Variants in THSD8 observed in about 807,000 individuals in gnomAD.
THSD8 encodes the protein thrombospondin type 1 domain containing 8, also known as thrombospondin type-1 domain-containing protein 8.
At chr19:12,802,773 A>G (rs1968925207) in intron 1 of THSD8, among the ~76,000 whole-genome samples, 1 of 152,000 alleles carries the variant, frequency 6.6e-6, no homozygotes, top group South Asian at 2.1e-4. Context: ...TTGGGATAAG[A>G]TCTGTCTCAT....
intron 1 of THSD8, among the ~76,000 whole-genome samples, chr19:12,802,823 G>C (rs370697084): frequency 2.0e-5 from 3 of 152,074 alleles, no homozygotes; most frequent in African/African-American, 7.2e-5. Context: ...CCTTTAAAGT[G>C]ATCACAGTGG....
chr19:12,804,121 C>G lies in THSD8; in HGVS notation c.166C>G (p.Leu56Val), dbSNP rs1968945518. Residue 56 changes from leucine (L) to valine (V), a missense_variant, in exon 2 of 2, where the codon CTT becomes GTT. Physicochemically the swap from Leu to Val is conservative, Grantham distance 32. Transcript: ENST00000639810. Reference sequence around the variant, plus strand: ...TTCTCTAGAAGTCGAGGACTCAATCCTTGGCCCGTGGGGAAAGTGGCGGTG... The same window carrying G: ...TTCTCTAGAAGTCGAGGACTCAATCGTTGGCCCGTGGGGAAAGTGGCGGTG... ...QHLKEVEDSI[L>V]GPWGKWRCLC... 1 of 398,392 alleles carries G rather than the reference C, an allele frequency of 2.5e-6. No individual in the cohort carries two copies. The highest frequency in any genetic ancestry group is 4.4e-6 in the Non-Finnish European group (1 of 226,096). 24.7% of individuals were successfully genotyped at this position (398,392 alleles called of 1,614,324 possible). A position where few individuals can be genotyped will look rare whatever the true frequency, so the allele number is the denominator to read the frequency against.
At chr19:12,803,005 G>A (rs940597463) in intron 1 of THSD8, among the ~76,000 whole-genome samples, 8 of 151,920 alleles carry the variant, frequency 5.3e-5, no homozygotes, top group Admixed American at 1.3e-4. Flanking sequence ...AGGCCGAGGC[G>A]GGAGGACTGC....
In THSD8 at chr19:12,803,911, C is replaced by CAAAAAAAAAAAA. The variant is rs761806696; in HGVS notation, c.149-177_149-166dup. Among the ~76,000 whole-genome samples the CAAAAAAAAAAAA allele has an allele frequency of 1.6e-3, 55 of 34,868 alleles. 10 individuals carry two copies. Among genetic ancestry groups the CAAAAAAAAAAAA allele is most frequent in the African/African-American group, 5.7e-3 (50 of 8,718 alleles). The allele number at this position is 34,868 out of a possible 152,430, so 22.9% of individuals were successfully genotyped here. A position where few individuals can be genotyped will look rare whatever the true frequency, so the allele number is the denominator to read the frequency against. ...TGGGCGACAGAGCGAGACCCTGTCT[C>CAAAAAAAAAAAA]AAAAAAAAAAAAAAAAAAAAAAAAA... On this transcript the variant is annotated intron_variant, in intron 1 of 1. Coordinates refer to ENST00000639810, the MANE Select transcript of THSD8 (RefSeq NM_001386800.1).
intron 1 of THSD8, among the ~76,000 whole-genome samples, chr19:12,803,143 T>C (rs1968930575): frequency 6.6e-6 from 1 of 152,126 alleles, no homozygotes; most frequent in Non-Finnish European, 1.5e-5. Context: ...TAGTCCCAGC[T>C]ACTCAAGAGG....
At chr19:12,803,857 A>AGC (rs200581880) in intron 1 of THSD8, among the ~76,000 whole-genome samples, 10,022 of 132,528 alleles carry the variant, frequency 0.076, 587 homozygotes, top group African/African-American at 0.17. Flanking sequence ...GGCTGCAGTG[A>AGC]GCTGTGACTG....
intron 1 of THSD8, among the ~76,000 whole-genome samples, chr19:12,802,723 G>A (rs1317837059): frequency 6.6e-6 from 1 of 152,192 alleles, no homozygotes; most frequent in African/African-American, 2.4e-5. Context: ...GGTAGGAGGT[G>A]TCAGACCTTG....
chr19:12,803,059 C>A (rs1968929394), intron 1 of THSD8, among the ~76,000 whole-genome samples: 2 of 152,036 alleles, frequency 1.3e-5, no homozygotes, highest in South Asian at 4.2e-4. Flanking sequence ...CATGGAGAGA[C>A]CCCCTACTCT....
Position 12,804,168 on chromosome 19 carries a change from G to A in THSD8, c.213G>A (p.Gln71=), listed in dbSNP as rs1968946493. ...KWRCLCDLGK[Q]ERSREVVGTA... ...GGTGTCTCTGCGACCTGGGCAAGCA[G>A]GAGCGCAGCCGCGAGGTAGTGGGCA... Residue 71 remains glutamine, a synonymous_variant, in exon 2 of 2, where the codon CAG becomes CAA. Transcript: ENST00000639810. The A allele has an allele frequency of 2.5e-6, 1 of 398,452 alleles. No homozygotes were observed. Among genetic ancestry groups the A allele is most frequent in the African/African-American group, 2.1e-5 (1 of 48,606 alleles). The allele number at this position is 398,452 out of a possible 1,614,324, so 24.7% of individuals were successfully genotyped here.
intron 1 of THSD8, among the ~76,000 whole-genome samples, 167 bp from the exon 2 acceptor site, chr19:12,803,937 A>AAAAAAAAAAAAT (rs1568385528): frequency 6.7e-6 from 1 of 150,298 alleles, no homozygotes; most frequent in African/African-American, 2.4e-5. Context: ...AAAAAAAAAA[A>AAAAAAAAAAAAT]AGCTTAAATG....
chr19:12,803,110 C>G (rs551216733), intron 1 of THSD8, among the ~76,000 whole-genome samples: 2 of 152,092 alleles, frequency 1.3e-5, no homozygotes, highest in Non-Finnish European at 2.9e-5. Flanking sequence ...AATAAATTAG[C>G]CTGCCATGGT....
At chr19:12,803,223 C>T (rs1373298917) in intron 1 of THSD8, among the ~76,000 whole-genome samples, 1 of 152,120 alleles carries the variant, frequency 6.6e-6, no homozygotes, top group East Asian at 1.9e-4. Flanking sequence ...CCCTTGCATT[C>T]CAACCTGGGT....
rs1240298500 is a variant in THSD8, at chr19:12,802,398, AAT to A, written c.148+181_148+182del. On this transcript the variant is annotated intron_variant, in intron 1 of 1. Coordinates refer to ENST00000639810, the MANE Select transcript of THSD8 (RefSeq NM_001386800.1). ...CTCGGTTTACTCTTGGATATATTGA[AAT>A]AGATACTGCTTTAAAGCAGCTCCCA... Among the ~76,000 whole-genome samples the A allele has an allele frequency of 3.9e-5, 6 of 152,194 alleles. No individual in the cohort carries two copies. In the East Asian group the frequency reaches 1.2e-3, roughly 29 times the overall value.
chr19:12,804,067 C>T (rs1414010903), intron 1 of THSD8, 37 bp from the exon 2 acceptor site: 1 of 398,416 alleles, frequency 2.5e-6, no homozygotes, highest in East Asian at 3.6e-5. Flanking sequence ...AGTAGGCCCC[C>T]TCCACGTAGG....
rs952967677 is a variant in THSD8, at chr19:12,804,200, C to T, written c.245C>T (p.Pro82Leu). ...ERSREVVGTAPGPVFMDPEKL... is the reference protein window; with the variant it reads ...ERSREVVGTALGPVFMDPEKL... ...AGCCGCGAGGTAGTGGGCACAGCGC[C>T]GGGCCCGGTTTTCATGGACCCGGAG... The change falls in exon 2 of 2, where the codon CCG becomes CTG. Residue 82 changes from proline to leucine, a missense_variant. Transcript: ENST00000639810. 34 of 398,460 alleles carry T rather than the reference C, an allele frequency of 8.5e-5. 1 individual carries two copies. Among genetic ancestry groups the T allele is most frequent in the Middle Eastern group, 1.2e-3 (2 of 1,610 alleles). The allele number at this position is 398,460 out of a possible 1,614,324, so 24.7% of individuals were successfully genotyped here.
intron 1 of THSD8, among the ~76,000 whole-genome samples, 185 bp from the exon 2 acceptor site, chr19:12,803,911 CAAAAAAAA>C (rs761806696): frequency 0.046 from 1,591 of 34,774 alleles, 13 homozygotes; most frequent in Admixed American, 0.11. Context: ...GACCCTGTCT[CAAAAAAAA>C]AAAAAAAAAA....
chr19:12,802,287 C>G, intron 1 of THSD8, 68 bp downstream of exon 1: 1 of 398,002 alleles, frequency 2.5e-6, no homozygotes, highest in Non-Finnish European at 4.4e-6. Flanking sequence ...CTGCTGGCTG[C>G]AAAGGGACCT....
At chr19:12,804,063 C>G (rs1354987381) in intron 1 of THSD8, 41 bp from the exon 2 acceptor site, 1 of 398,346 alleles carries the variant, frequency 2.5e-6, no homozygotes, top group African/African-American at 2.1e-5. Flanking sequence ...TGGGAGTAGG[C>G]CCCCTCCACG....
At chr19:12,802,512 G>A (rs1305936987) in intron 1 of THSD8, among the ~76,000 whole-genome samples, 1 of 152,198 alleles carries the variant, frequency 6.6e-6, no homozygotes, top group African/African-American at 2.4e-5. Context: ...GAAGGGGGCG[G>A]GCAAGCTTGG....
Sources: allele counts gnomAD v4.1 joint callset (sites outside exome capture counted in the v4.1 genomes callset), GRCh38; gene constraint gnomAD v4.1.1; transcripts MANE v1.5; gene names NCBI Gene and HGNC (gene_info 2026-07-23, HGNC 2026-07-21).